Variants in GPATCH3 observed in about 807,000 individuals in gnomAD.
GPATCH3 encodes G-patch domain containing 3, also known as G patch domain-containing protein 3.
In GPATCH3, 45 loss-of-function variants were observed where a neutral mutation model predicts 53.2. The ratio of observed to expected loss-of-function variants is 0.85; its 90% CI spans 0.67 to 1.08. GPATCH3 has a LOEUF of 1.08. GPATCH3 is among the 50% of genes least tolerant of loss of function. GPATCH3 has a pLI of 0.00. For synonymous variants in GPATCH3, 280 were observed against 270.6 expected, an observed-to-expected ratio of 1.03 and a Z score of -0.34; for missense variants, 680 against 687.2, an observed-to-expected ratio of 0.99 and a Z score of 0.12.
Position 26,900,277 on chromosome 1 carries a change from C to T in GPATCH3, c.166G>A (p.Ala56Thr). The change falls in exon 1 of 7, where the codon GCC (alanine) becomes ACC (threonine). Residue 56 changes from alanine to threonine, a missense_variant. By Grantham distance (58) the Ala-to-Thr change is moderately conservative. Transcript: ENST00000361720. The stretch of plus-strand genomic sequence containing the variant: ...GAGTTAGGAGCGGCCTGCGGAGGGG[C>T]CCGCTCAGGCCGATGCCGGTAGTGG... ...CFHYRHRPER[A>T]PPQAAPNSAL... The T allele has an allele frequency of 6.2e-7, 1 of 1,613,832 alleles. No homozygotes were observed.
At chr1:26,892,317 T>C in intron 6 of GPATCH3, 94 bp downstream of exon 6, 1 of 1,455,418 alleles carries the variant, frequency 6.9e-7, no homozygotes, top group South Asian at 1.2e-5. Context: ...CCCGCACGAG[T>C]ACCCAGCAGC....
At chr1:26,898,557 C>A (rs1305848245) in intron 1 of GPATCH3, among the ~76,000 whole-genome samples, 1 of 151,898 alleles carries the variant, frequency 6.6e-6, no homozygotes, top group Non-Finnish European at 1.5e-5. Context: ...TGATATCTAC[C>A]CACCTGATGA....
Position 26,900,052 on chromosome 1 carries a change from C to T in GPATCH3, c.391G>A (p.Gly131Arg), listed in dbSNP as rs367622231. 77 of 1,614,054 alleles carry T rather than the reference C, an allele frequency of 4.8e-5. No homozygotes were observed. Among genetic ancestry groups the T allele is most frequent in the Non-Finnish European group, 6.1e-5 (72 of 1,180,052 alleles). The change falls in exon 1 of 7, where the codon GGG (glycine) becomes AGG (arginine). Residue 131 changes from glycine (G) to arginine (R), a missense_variant. By Grantham distance (125) the Gly-to-Arg change is moderately radical. Coordinates refer to ENST00000361720, the MANE Select transcript of GPATCH3 (RefSeq NM_022078.3). ...AGACAGCGACCCGGTAGCCAAGTCC[C>T]GTGAGAATCCAGCCACCGGCGGCCC... ...YSGRRWLDSH[G>R]TWLPGRCLIR...
rs760081733 is a variant in GPATCH3, at chr1:26,897,723, G to C, written c.454C>G (p.Leu152Val). ...RLRLPTEASG[L>V]GSFPFKTRKE... ...CGGGTCTTGAAGGGAAAGGAGCCCA[G>C]ACCTTGGAAAGGAGGGAGAATAGAT... The change falls in exon 2 of 7, where the codon CTG (leucine) becomes GTG (valine). Residue 152 changes from leucine (L) to valine (V), a missense_variant and splice_region_variant. Leu to Val is a conservative substitution (Grantham distance 32). Coordinates refer to ENST00000361720, the MANE Select transcript of GPATCH3 (RefSeq NM_022078.3). The C allele has an allele frequency of 6.2e-7, 1 of 1,602,726 alleles. No homozygotes were observed. Among genetic ancestry groups the C allele is most frequent in the South Asian group, 1.1e-5 (1 of 89,710 alleles).
At chr1:26,895,251 G>A (rs1392734057) in intron 2 of GPATCH3, among the ~76,000 whole-genome samples, 1 of 152,094 alleles carries the variant, frequency 6.6e-6, no homozygotes, top group Non-Finnish European at 1.5e-5. Flanking sequence ...GGGGCCAGAC[G>A]CAGTGGCTCA....
chr1:26,890,671 G>C lies in GPATCH3; in HGVS notation c.*339C>G. 1 of 453,200 alleles carries C rather than the reference G, an allele frequency of 2.2e-6. No individual in the cohort carries two copies. Among genetic ancestry groups the C allele is most frequent in the Non-Finnish European group, 4.3e-6 (1 of 230,830 alleles). 28.1% of individuals were successfully genotyped at this position (453,200 alleles called of 1,614,324 possible). A position where few individuals can be genotyped will look rare whatever the true frequency, so the allele number is the denominator to read the frequency against. Reference sequence around the variant, plus strand: ...CCCTTTCCCCCTTTCTGGCCTTCGTGGGGACACCTTCAGAGTCCCCAAGGA... The same window carrying C: ...CCCTTTCCCCCTTTCTGGCCTTCGTCGGGACACCTTCAGAGTCCCCAAGGA... On this transcript the variant is annotated 3_prime_UTR_variant, in exon 7 of 7. Coordinates refer to ENST00000361720, the MANE Select transcript of GPATCH3 (RefSeq NM_022078.3).
Position 26,900,366 on chromosome 1 carries a change from G to A in GPATCH3, c.77C>T (p.Ser26Leu), listed in dbSNP as rs767248035. The A allele has an allele frequency of 1.9e-6, 3 of 1,614,026 alleles. No homozygotes were observed. The highest frequency in any genetic ancestry group is 2.5e-6 in the Non-Finnish European group (3 of 1,180,034). Residue 26 changes from serine to leucine, a missense_variant, in exon 1 of 7, where the codon TCG becomes TTG. By Grantham distance (145) the Ser-to-Leu change is moderately radical (BLOSUM62 -2). Transcript: ENST00000361720. ...VVSGIPSVLR[S>L]AHLRSYFSQF... ...GCTAAAATAGCTCCGTAAATGGGCCGAGCGCAACACGGAGGGGATACCGCT... is the reference window on the plus strand; with the variant it reads ...GCTAAAATAGCTCCGTAAATGGGCCAAGCGCAACACGGAGGGGATACCGCT...
In GPATCH3 at chr1:26,894,213, CT is replaced by C. The variant is rs747138414; in HGVS notation, c.1051+22del. ...AGAATGCAGCAGGGGTCACCCCTGCCTTTGCCTGGGTACCAGCATTACCTCC... is the reference window on the plus strand; with the variant it reads ...AGAATGCAGCAGGGGTCACCCCTGCCTTGCCTGGGTACCAGCATTACCTCC... On this transcript the variant is annotated intron_variant, in intron 3 of 6. Coordinates refer to ENST00000361720, the MANE Select transcript of GPATCH3 (RefSeq NM_022078.3). 67 of 1,610,598 alleles carry C rather than the reference CT, an allele frequency of 4.2e-5. No individual in the cohort carries two copies. In the Admixed American group the frequency reaches 1.1e-3, roughly 27 times the overall value.
rs1185123432 is a variant in GPATCH3, at chr1:26,900,298, A to G, written c.145T>C (p.Tyr49His). Residue 49 changes from tyrosine (Y) to histidine (H), a missense_variant, in exon 1 of 7, where the codon TAC (tyrosine) becomes CAC (histidine). Physicochemically the swap from Tyr to His is moderately conservative, Grantham distance 83. Coordinates refer to ENST00000361720, the MANE Select transcript of GPATCH3 (RefSeq NM_022078.3). ...ERGGGFLCFH[Y>H]RHRPERAPPQ... ...GGGGCCCGCTCAGGCCGATGCCGGTAGTGGAAACAGAGGAAGCCACCGCCG... is the reference window on the plus strand; with the variant it reads ...GGGGCCCGCTCAGGCCGATGCCGGTGGTGGAAACAGAGGAAGCCACCGCCG... 5 of 1,613,952 alleles carry G rather than the reference A, an allele frequency of 3.1e-6. No individual in the cohort carries two copies. Among genetic ancestry groups the G allele is most frequent in the Non-Finnish European group, 4.2e-6 (5 of 1,180,000 alleles).
rs1289419365 is a variant in GPATCH3 at position 26,890,995 on chromosome 1, A to T, written c.*15T>A. On this transcript the variant is annotated 3_prime_UTR_variant, in exon 7 of 7. Transcript: ENST00000361720. ...GTTTTCATCATGTAGCTATGAAAGG[A>T]AGCCCCCAACCCGGTCAGTCAGGCA... is the stretch of plus-strand genomic sequence containing the variant. The T allele has an allele frequency of 1.9e-6, 3 of 1,609,758 alleles. No homozygotes were observed. The highest frequency in any genetic ancestry group is 2.6e-6 in the Non-Finnish European group (3 of 1,176,280).
Position 26,892,466 on chromosome 1 carries a change from C to T in GPATCH3, c.1306G>A (p.Val436Met). 6.2e-7 allele frequency: 1 copy of T among 1,613,958 alleles called. No individual in the cohort carries two copies. Among genetic ancestry groups the T allele is most frequent in the Non-Finnish European group, 8.5e-7 (1 of 1,179,864 alleles). The change falls in exon 6 of 7, where the codon GTG (valine) becomes ATG (methionine). Residue 436 changes from valine to methionine, a missense_variant. Physicochemically the swap from Val to Met is conservative, Grantham distance 21. Transcript: ENST00000361720. Reference sequence around the variant, plus strand: ...CCATCACTATCCAGGGCCTCAGGCACCCCTGAGCACCTGCAGCCCAGGCCC... The same window carrying T: ...CCATCACTATCCAGGGCCTCAGGCATCCCTGAGCACCTGCAGCCCAGGCCC... ...GQGLGCRCSGVPEALDSDGQH... is the reference protein window; with the variant it reads ...GQGLGCRCSGMPEALDSDGQH...
intron 1 of GPATCH3, among the ~76,000 whole-genome samples, chr1:26,898,310 A>G (rs1020487205): frequency 8.6e-5 from 13 of 151,788 alleles, no homozygotes; most frequent in Non-Finnish European, 1.9e-4. Flanking sequence ...CTGGCTCCTG[A>G]TGAACTTTTT....
intron 3 of GPATCH3, 62 bp downstream of exon 3, chr1:26,894,173 AC>A: frequency 6.5e-7 from 1 of 1,540,050 alleles, no homozygotes; most frequent in East Asian, 2.2e-5. Context: ...ACCGTGTGGA[AC>A]AGGGAACCCC....
In GPATCH3 at chr1:26,899,987, C is replaced by A. The variant is rs764456150; in HGVS notation, c.451+5G>T. ...GGCCCAGTCTATTAACTTTCTCACT[C>A]TTACCTGATGCCTCCGTAGGTAGCC... is the stretch of plus-strand genomic sequence containing the variant. On this transcript the variant is annotated splice_donor_5th_base_variant and intron_variant, in intron 1 of 6. Transcript: ENST00000361720. The A allele has an allele frequency of 1.2e-6, 2 of 1,613,850 alleles. No individual in the cohort carries two copies. Among genetic ancestry groups the A allele is most frequent in the Non-Finnish European group, 8.5e-7 (1 of 1,179,858 alleles).
In GPATCH3 at chr1:26,891,178, A is replaced by T; in HGVS notation, c.1410T>A (p.Arg470=). The T allele has an allele frequency of 6.2e-7, 1 of 1,613,972 alleles. No homozygotes were observed. The highest frequency in any genetic ancestry group is 8.5e-7 in the Non-Finnish European group (1 of 1,179,970). The change falls in exon 7 of 7, where the codon CGT becomes CGA. Residue 470 remains arginine (R), a synonymous_variant. Coordinates refer to ENST00000361720, the MANE Select transcript of GPATCH3 (RefSeq NM_022078.3). The stretch of plus-strand genomic sequence containing the variant: ...TGGAGATGAGCCCCAAGCCATTTCT[A>T]CGGGGCCTCTTCAGTTGCCCAAATG... ...LQPFGQLKRP[R]RNGLGLISTI...
rs1038509963 is a variant in GPATCH3 at position 26,890,757 on chromosome 1, A to C, written c.*253T>G. 2.8e-6 allele frequency: 2 copies of C among 706,616 alleles called. No homozygotes were observed. The highest frequency in any genetic ancestry group is 5.3e-6 in the Non-Finnish European group (2 of 375,242). The allele number at this position is 706,616 out of a possible 1,614,324, so 43.8% of individuals were successfully genotyped here. ...CAAAGTTCTGCAGGAGGCAAAGGGC[A>C]AGCCCAGAGATTAGGGTTAGAGACC... On this transcript the variant is annotated 3_prime_UTR_variant, in exon 7 of 7. Coordinates refer to ENST00000361720, the MANE Select transcript of GPATCH3 (RefSeq NM_022078.3).
rs1207155830 is a variant in GPATCH3, at chr1:26,890,826, G to A, written c.*184C>T. 1 of 778,430 alleles carries A rather than the reference G, an allele frequency of 1.3e-6. No homozygotes were observed. The highest frequency in any genetic ancestry group is 1.7e-5 in the African/African-American group (1 of 59,250). The allele number at this position is 778,430 out of a possible 1,614,324, so 48.2% of individuals were successfully genotyped here. On this transcript the variant is annotated 3_prime_UTR_variant, in exon 7 of 7. Coordinates refer to ENST00000361720, the MANE Select transcript of GPATCH3 (RefSeq NM_022078.3). ...CCCCTAATATCCAAGGGGAGGGGAC[G>A]GGAGGGGGCTTTTTGTAAAAATGCC...
chr1:26,896,035 A>G (rs1197050079), intron 2 of GPATCH3, among the ~76,000 whole-genome samples: 1 of 152,208 alleles, frequency 6.6e-6, no homozygotes, highest in Non-Finnish European at 1.5e-5. Context: ...TGGATGTGCA[A>G]CCAAGTTTGG....
At position 26,900,300 on chromosome 1, in the gene GPATCH3, T is replaced by C; in HGVS notation, c.143A>G (p.His48Arg). 6.2e-7 allele frequency: 1 copy of C among 1,613,884 alleles called. No homozygotes were observed. The highest frequency in any genetic ancestry group is 8.5e-7 in the Non-Finnish European group (1 of 1,179,980). The change falls in exon 1 of 7, where the codon CAC becomes CGC. Residue 48 changes from histidine (H) to arginine (R), a missense_variant. Transcript: ENST00000361720. ...GGCCCGCTCAGGCCGATGCCGGTAG[T>C]GGAAACAGAGGAAGCCACCGCCGCG... ...EERGGGFLCF[H>R]YRHRPERAPP...
Sources: allele counts gnomAD v4.1 joint callset (sites outside exome capture counted in the v4.1 genomes callset), GRCh38; gene constraint gnomAD v4.1.1; transcripts MANE v1.5; gene names NCBI Gene and HGNC (gene_info 2026-07-23, HGNC 2026-07-21).